PAK3: variants seen among roughly 807,000 people sequenced by gnomAD.
PAK3 encodes the protein serine/threonine-protein kinase PAK 3.
In PAK3, 4 loss-of-function variants were observed where a neutral mutation model predicts 41.0. The observed-to-expected ratio is 0.10, with a 90% CI of 0.05 to 0.22. The LOEUF (loss-of-function observed/expected upper bound fraction) is 0.22. Ranked by LOEUF, PAK3 falls within the 10% of genes least tolerant of loss-of-function variation. The probability of loss-of-function intolerance (pLI) is 1.00; values close to 1 mark genes in which losing one functional copy is unlikely to be tolerated. For synonymous variants in PAK3, 146 were observed against 139.6 expected (o/e 1.05, Z -0.32); for missense variants, 205 against 409.9 (o/e 0.50, Z 4.32).
chrX:111,161,823 G>A (rs1035203645), intron 8 of PAK3, among the ~76,000 whole-genome samples: 1 of 111,074 alleles, frequency 9.0e-6, no homozygotes, highest in African/African-American at 3.3e-5. Flanking sequence ...CCATTGGTCT[G>A]TATCTCTGTT....
chrX:111,119,241 T>A (rs16986368), intron 4 of PAK3, among the ~76,000 whole-genome samples: 5,135 of 111,690 alleles, frequency 0.046, 137 homozygotes, highest in African/African-American at 0.097. Flanking sequence ...CCACATTAAG[T>A]CCCAAGGGCT....
chrX:111,157,244 T>C (rs904885594), intron 8 of PAK3, among the ~76,000 whole-genome samples: 83 of 111,738 alleles, frequency 7.4e-4, no homozygotes, highest in African/African-American at 2.7e-3. Flanking sequence ...CAGCATTTTA[T>C]ATTATCTAAA....
chrX:110,976,178 C>T (rs1000146138), intron 1 of PAK3, among the ~76,000 whole-genome samples: 1 of 112,237 alleles, frequency 8.9e-6, no homozygotes, highest in African/African-American at 3.2e-5. Flanking sequence ...AGGCAACCTA[C>T]AGAATGGGAG....
intron 4 of PAK3, among the ~76,000 whole-genome samples, chrX:111,119,836 T>C (rs1004483272): frequency 8.9e-6 from 1 of 112,457 alleles, no homozygotes; most frequent in African/African-American, 3.2e-5. Context: ...CCATTGGTCT[T>C]CTAAAAGTGT....
At chrX:111,172,015 C>A (rs962598367) in intron 10 of PAK3, among the ~76,000 whole-genome samples, 1 of 111,818 alleles carries the variant, frequency 8.9e-6, no homozygotes, top group Admixed American at 9.5e-5. Flanking sequence ...CATCCCCACA[C>A]CCTTAGCACT....
rs749150214 is a variant in PAK3, at chrX:111,042,681, T to C, written c.-27-80396T>C. On this transcript the variant is annotated intron_variant, in intron 1 of 14. Transcript: ENST00000425146. ...ATCCAATGATCCAAAAGTGAATTCA[T>C]TGAATGGCCAAGTGTCCAAAAAACA... Among the ~76,000 whole-genome samples the C allele has an allele frequency of 1.7e-3, 196 of 112,118 alleles. 1 individual carries two copies. Among genetic ancestry groups the C allele is most frequent in the African/African-American group, 6.2e-3 (192 of 30,860 alleles).
chrX:111,034,956 A>G (rs985490609), intron 1 of PAK3, among the ~76,000 whole-genome samples: 1 of 107,829 alleles, frequency 9.3e-6, no homozygotes, highest in African/African-American at 3.4e-5. Context: ...AAATACAAAA[A>G]TTAACTAGGC....
intron 5 of PAK3, among the ~76,000 whole-genome samples, chrX:111,123,579 A>G (rs764850800): frequency 1.8e-5 from 2 of 112,548 alleles, no homozygotes; most frequent in Non-Finnish European, 3.8e-5. Flanking sequence ...TCTTTCTGAT[A>G]ATGTAGAGTA....
rs192160942 is a variant in PAK3 at position 110,974,637 on chromosome X, G to A, written c.-28+30009G>A. On this transcript the variant is annotated intron_variant, in intron 1 of 14. Transcript: ENST00000425146. ...AGGCCAACATCATCCTGATACCAAA[G>A]CCTGGCAGAGACACAACAAAAAAAG... Among the ~76,000 whole-genome samples, 3 of 111,497 alleles carry A rather than the reference G, an allele frequency of 2.7e-5. No individual in the cohort carries two copies. In the East Asian group the frequency reaches 8.5e-4, roughly 32 times the overall value.
intron 16 of PAK3, among the ~76,000 whole-genome samples, chrX:111,209,415 TA>T (rs1201152366): frequency 8.9e-6 from 1 of 112,436 alleles, no homozygotes; most frequent in African/African-American, 3.2e-5. Context: ...TATCATTCAG[TA>T]AAAGTTATCT....
At chrX:111,083,817 C>T (rs1603154634) in intron 1 of PAK3, among the ~76,000 whole-genome samples, 1 of 112,383 alleles carries the variant, frequency 8.9e-6, no homozygotes, top group African/African-American at 3.2e-5. Flanking sequence ...AATTGCTCTA[C>T]GCTTTCCCCA....
At chrX:111,100,659 G>A (rs992717912) in intron 3 of PAK3, among the ~76,000 whole-genome samples, 3 of 111,808 alleles carry the variant, frequency 2.7e-5, no homozygotes, top group Admixed American at 9.4e-5. Context: ...AGACAGCTTC[G>A]GTGCTGAGCA....
At chrX:111,027,993 A>ATG (rs1241982171) in intron 1 of PAK3, among the ~76,000 whole-genome samples, 11 of 106,655 alleles carry the variant, frequency 1.0e-4, no homozygotes, top group South Asian at 4.0e-4. Context: ...TATAATATAT[A>ATG]TGTGTGTGTG....
At chrX:111,216,611 A>G in intron 17 of PAK3, 53 bp downstream of exon 17, 1 of 990,081 alleles carries the variant, frequency 1.0e-6, no homozygotes. Flanking sequence ...CAGCTTTTCC[A>G]TCTCAATGTG....
At chrX:111,096,949 G>A (rs1315917198) in intron 1 of PAK3, among the ~76,000 whole-genome samples, 3 of 107,304 alleles carry the variant, frequency 2.8e-5, no homozygotes, top group Non-Finnish European at 5.8e-5. Flanking sequence ...TTAAACGGGC[G>A]CCTTCCCCTC....
At chrX:111,053,506 A>G (rs924654034) in intron 1 of PAK3, among the ~76,000 whole-genome samples, 7 of 111,675 alleles carry the variant, frequency 6.3e-5, no homozygotes, top group African/African-American at 2.3e-4. Flanking sequence ...CTGACTCCCT[A>G]TGTACTATAA....
chrX:111,050,355 G>C (rs2092545859), intron 1 of PAK3, among the ~76,000 whole-genome samples: 1 of 111,557 alleles, frequency 9.0e-6, no homozygotes, highest in African/African-American at 3.3e-5. Context: ...GTCTTTTGGG[G>C]GAAAAAGCCT....
intron 1 of PAK3, among the ~76,000 whole-genome samples, chrX:111,082,700 T>C (rs1370662287): frequency 8.9e-6 from 1 of 111,960 alleles, no homozygotes; most frequent in Non-Finnish European, 1.9e-5. Context: ...GGTGAATTCA[T>C]TTGCACCCAT....
chrX:111,117,320 G>A (rs2093483033), intron 4 of PAK3, among the ~76,000 whole-genome samples: 1 of 111,728 alleles, frequency 9.0e-6, no homozygotes, highest in Non-Finnish European at 1.9e-5. Flanking sequence ...ACTGGAAAGG[G>A]AACTGATGAG....
Sources: gnomAD v4.1 joint callset for allele counts (sites outside exome capture counted in the v4.1 genomes callset) on GRCh38, gnomAD v4.1.1 for gene constraint, MANE v1.5 for transcripts, NCBI Gene and HGNC (gene_info 2026-07-23, HGNC 2026-07-21) for gene names.